Variants in TRIM2 observed in about 807,000 individuals in gnomAD.
TRIM2 encodes tripartite motif containing 2, also known as tripartite motif-containing protein 2.
Under a neutral mutation model 75.2 loss-of-function variants are expected in TRIM2, and 20 were observed. The observed-to-expected ratio is 0.27, with a 90% CI of 0.19 to 0.39. The LOEUF (loss-of-function observed/expected upper bound fraction) is 0.39. Among genes scored for constraint, TRIM2 ranks in the 10% least tolerant of loss-of-function variants. TRIM2 has a pLI of 1.00. For synonymous variants in TRIM2, 373 were observed against 388.3 expected, an observed-to-expected ratio of 0.96 and a Z score of 0.46; for missense variants, 660 against 990.8, an observed-to-expected ratio of 0.67 and a Z score of 4.48.
intron 1 of TRIM2, among the ~76,000 whole-genome samples, chr4:153,233,992 T>C (rs1015407596): frequency 3.3e-5 from 5 of 152,192 alleles, no homozygotes; most frequent in Non-Finnish European, 7.3e-5. Flanking sequence ...TGTAATACCA[T>C]AGCAATTTTA....
At chr4:153,218,888 G>A (rs1277618478) in intron 1 of TRIM2, among the ~76,000 whole-genome samples, 1 of 152,100 alleles carries the variant, frequency 6.6e-6, no homozygotes, top group East Asian at 1.9e-4. Context: ...AGAAAAAAAA[G>A]GTGATTACTT....
At chr4:153,308,396 G>T (rs1227258330) in intron 6 of TRIM2, 10 of 893,150 alleles carry the variant, frequency 1.1e-5, no homozygotes, top group Admixed American at 8.5e-5. Flanking sequence ...AGTCCTTGTT[G>T]GTTCCCAGCC....
intron 1 of TRIM2, among the ~76,000 whole-genome samples, chr4:153,177,188 A>C (rs1731529355): frequency 6.6e-6 from 1 of 152,232 alleles, no homozygotes; most frequent in Non-Finnish European, 1.5e-5. Context: ...AAAATGGGGA[A>C]GGGAACAAAA....
upstream of TRIM2, among the ~76,000 whole-genome samples, chr4:153,199,522 G>A (rs952761125): frequency 2.0e-5 from 3 of 152,168 alleles, no homozygotes; most frequent in Non-Finnish European, 4.4e-5. Flanking sequence ...CTGCCAGCCT[G>A]TGCCTATTCC....
At position 153,338,578 on chromosome 4, in the gene TRIM2, A is replaced by G; in HGVS notation, c.*3612A>G. On this transcript the variant is annotated 3_prime_UTR_variant, in exon 12 of 12. Coordinates refer to ENST00000338700, the MANE Select transcript of TRIM2 (RefSeq NM_015271.5). Reference sequence around the variant, plus strand: ...TAACTAGAAATCTAGTATTGCCATAAAGGAAACTAAGTGCCCATCAAAGAT... The same window carrying G: ...TAACTAGAAATCTAGTATTGCCATAGAGGAAACTAAGTGCCCATCAAAGAT... 1.0e-6 allele frequency: 1 copy of G among 984,682 alleles called. No individual in the cohort carries two copies. The highest frequency in any genetic ancestry group is 1.7e-5 in the African/African-American group (1 of 57,302). 61.0% of individuals were successfully genotyped at this position (984,682 alleles called of 1,614,324 possible).
At chr4:153,246,503 T>G (rs1333262373) in intron 1 of TRIM2, among the ~76,000 whole-genome samples, 1 of 152,226 alleles carries the variant, frequency 6.6e-6, no homozygotes, top group African/African-American at 2.4e-5. Flanking sequence ...GTAATTTAAT[T>G]TAGTTTATTA....
At chr4:153,215,463 G>C (rs984571894) in intron 1 of TRIM2, among the ~76,000 whole-genome samples, 2 of 151,710 alleles carry the variant, frequency 1.3e-5, no homozygotes, top group Admixed American at 1.3e-4. Flanking sequence ...TTTGTGGGCT[G>C]ATCTGGGCTC....
intron 3 of TRIM2, among the ~76,000 whole-genome samples, chr4:153,281,256 G>A (rs551104750): frequency 7.2e-5 from 11 of 152,256 alleles, no homozygotes; most frequent in African/African-American, 2.4e-4. Flanking sequence ...GAAAGTTTAC[G>A]TCAATTTGAC....
intron 1 of TRIM2, among the ~76,000 whole-genome samples, chr4:153,198,195 T>C (rs990274499): frequency 9.2e-5 from 14 of 152,326 alleles, no homozygotes; most frequent in Admixed American, 9.1e-4. Flanking sequence ...TCCAGAATCA[T>C]CTGAGACTTA....
chr4:153,325,783 G>A (rs1184928461), intron 10 of TRIM2, among the ~76,000 whole-genome samples: 3 of 152,186 alleles, frequency 2.0e-5, no homozygotes, highest in South Asian at 2.1e-4. Flanking sequence ...TCTACTAAGC[G>A]CAACTGTGAT....
intron 1 of TRIM2, among the ~76,000 whole-genome samples, chr4:153,164,829 T>A (rs1278075481): frequency 1.3e-5 from 2 of 152,236 alleles, no homozygotes; most frequent in East Asian, 3.8e-4. Flanking sequence ...TACGTCTGTA[T>A]TTATATTACT....
intron 1 of TRIM2, among the ~76,000 whole-genome samples, chr4:153,177,588 G>A (rs1017729208): frequency 1.6e-4 from 25 of 152,028 alleles, no homozygotes; most frequent in African/African-American, 5.8e-4. Flanking sequence ...AGAGGCTGCA[G>A]TGAACTGAGA....
At chr4:153,237,019 G>A (rs1397416796) in intron 1 of TRIM2, among the ~76,000 whole-genome samples, 1 of 152,132 alleles carries the variant, frequency 6.6e-6, no homozygotes, top group Non-Finnish European at 1.5e-5. Flanking sequence ...AAACATCTTT[G>A]TAAACTTACA....
chr4:153,260,724 A>ACACACACACACAT (rs528342465), intron 1 of TRIM2, among the ~76,000 whole-genome samples: 1 of 112,656 alleles, frequency 8.9e-6, no homozygotes, highest in African/African-American at 3.1e-5. Flanking sequence ...ACACACACAC[A>ACACACACACACAT]CATCATCATC....
At chr4:153,223,513 T>C (rs1741278190) in intron 1 of TRIM2, among the ~76,000 whole-genome samples, 1 of 152,202 alleles carries the variant, frequency 6.6e-6, no homozygotes, top group African/African-American at 2.4e-5. Context: ...TCGGGCTTAT[T>C]AGAGCAGGGA....
At chr4:153,200,182 C>T (rs1034972678), upstream of TRIM2, among the ~76,000 whole-genome samples, 1 of 152,114 alleles carries the variant, frequency 6.6e-6, no homozygotes, top group African/African-American at 2.4e-5. Context: ...CTCAAGTGAT[C>T]GGCCTCCCAA....
chr4:153,226,678 A>T (rs920613499), intron 1 of TRIM2, among the ~76,000 whole-genome samples: 5 of 152,194 alleles, frequency 3.3e-5, no homozygotes. Context: ...TCCCATTAGG[A>T]TGAGGACTAG....
intron 1 of TRIM2, among the ~76,000 whole-genome samples, chr4:153,192,603 A>C (rs1579430988): frequency 1.8e-4 from 1 of 5,706 alleles, no homozygotes. Flanking sequence ...ACCCTATCTC[A>C]AAAAAAAAAA....
At position 153,337,502 on chromosome 4, in the gene TRIM2, C is replaced by A. The variant is rs1465601079; in HGVS notation, c.*2536C>A. ...CATGCTATGAGCACTCCAGGAAACACTATATTTTTTCCAAAAAATATGTGA... is the reference window on the plus strand; with the variant it reads ...CATGCTATGAGCACTCCAGGAAACAATATATTTTTTCCAAAAAATATGTGA... On this transcript the variant is annotated 3_prime_UTR_variant, in exon 12 of 12. Transcript: ENST00000338700. 1.0e-6 allele frequency: 1 copy of A among 985,668 alleles called. No individual in the cohort carries two copies. The highest frequency in any genetic ancestry group is 1.7e-5 in the African/African-American group (1 of 57,222). 61.1% of individuals were successfully genotyped at this position (985,668 alleles called of 1,614,324 possible). A position where few individuals can be genotyped will look rare whatever the true frequency, so the allele number is the denominator to read the frequency against.
Sources: gnomAD v4.1 joint callset for allele counts (sites outside exome capture counted in the v4.1 genomes callset) on GRCh38, gnomAD v4.1.1 for gene constraint, MANE v1.5 for transcripts, NCBI Gene and HGNC (gene_info 2026-07-23, HGNC 2026-07-21) for gene names.